Variants in WDR37 observed in about 807,000 individuals in gnomAD.
The protein encoded by WDR37 is WD repeat-containing protein 37.
A neutral mutation model predicts 62.9 loss-of-function variants in WDR37; 19 were observed. The observed-to-expected ratio is 0.30, with a 90% CI of 0.21 to 0.44. The LOEUF (loss-of-function observed/expected upper bound fraction) is 0.44. Among genes scored for constraint, WDR37 ranks in the 20% least tolerant of loss-of-function variants. WDR37 has a pLI of 1.00. For missense variants in WDR37, 474 were observed against 657.6 expected (o/e 0.72, Z 3.05); for synonymous variants, 250 against 260.9 (o/e 0.96, Z 0.40).
intron 1 of WDR37, among the ~76,000 whole-genome samples, chr10:1,066,088 T>C (rs1024678321): frequency 1.3e-5 from 2 of 152,026 alleles, no homozygotes; most frequent in East Asian, 3.9e-4. Flanking sequence ...AAAAGAGAGA[T>C]GTTAGTCTAA....
intron 1 of WDR37, among the ~76,000 whole-genome samples, chr10:1,065,349 A>C (rs2131606217): frequency 6.6e-6 from 1 of 152,380 alleles, no homozygotes; most frequent in East Asian, 1.9e-4. Flanking sequence ...ATAAGCTGTA[A>C]ATGTATAATG....
rs569344517 is a variant in WDR37 at position 1,082,280 on chromosome 10, C to CGT, written c.396+1806_396+1807dup. On this transcript the variant is annotated intron_variant, in intron 5 of 13. Transcript: ENST00000263150. Reference sequence around the variant, plus strand: ...ACCCAGAGCCACGAAAAGCAAGTAACGTGCCTGGTGGGATAGCGGGAACAC... The same window carrying CGT: ...ACCCAGAGCCACGAAAAGCAAGTAACGTGTGCCTGGTGGGATAGCGGGAACAC... 1.7e-4 allele frequency among the ~76,000 whole-genome samples: 26 copies of CGT among 152,192 alleles called. No individual in the cohort carries two copies. The South Asian group carries it at 5.4e-3, about 32-fold the overall frequency.
chr10:1,086,908 G>A (rs7069496), intron 7 of WDR37, among the ~76,000 whole-genome samples: 2 of 152,078 alleles, frequency 1.3e-5, no homozygotes, highest in Non-Finnish European at 2.9e-5. Flanking sequence ...GTTTCCTCTC[G>A]CACGTGCTGT....
intron 11 of WDR37, among the ~76,000 whole-genome samples, chr10:1,116,048 T>C (rs1215847389): frequency 6.6e-6 from 1 of 152,206 alleles, no homozygotes. Context: ...GCAGTTTTGC[T>C]ACCTTGATGT....
At chr10:1,080,267 C>T in intron 4 of WDR37, 145 bp from the exon 5 acceptor site, 6 of 1,257,666 alleles carry the variant, frequency 4.8e-6, no homozygotes, top group Middle Eastern at 2.1e-4. Flanking sequence ...GTTCTTGTTC[C>T]TGTTCTGCCA....
chr10:1,086,295 C>G lies in WDR37; in HGVS notation c.542C>G (p.Ala181Gly). Residue 181 changes from alanine to glycine, a missense_variant, in exon 7 of 14, where the codon GCT (alanine) becomes GGT (glycine). Coordinates refer to ENST00000263150, the MANE Select transcript of WDR37 (RefSeq NM_014023.4). ...VLGTASADHT[A>G]LLWSIETGKC... ...CATTTCCATCTTGCAGATCACACGG[C>G]TTTGCTGTGGAGCATAGAGACAGGG... is the stretch of plus-strand genomic sequence containing the variant. The G allele has an allele frequency of 6.2e-7, 1 of 1,614,130 alleles. No individual in the cohort carries two copies. Among genetic ancestry groups the G allele is most frequent in the East Asian group, 2.2e-5 (1 of 44,886 alleles).
At chr10:1,120,525 G>A (rs1431048530) in intron 11 of WDR37, among the ~76,000 whole-genome samples, 2 of 152,192 alleles carry the variant, frequency 1.3e-5, no homozygotes, top group African/African-American at 4.8e-5. Context: ...AAGTAATAAA[G>A]TAATAAAGCC....
At chr10:1,060,696 T>C (rs1833347339) in intron 1 of WDR37, among the ~76,000 whole-genome samples, 1 of 152,210 alleles carries the variant, frequency 6.6e-6, no homozygotes, top group Non-Finnish European at 1.5e-5. Context: ...TTTATTAGTG[T>C]TTAGTCTGTT....
At chr10:1,085,212 T>C (rs550317686) in intron 6 of WDR37, among the ~76,000 whole-genome samples, 1 of 152,274 alleles carries the variant, frequency 6.6e-6, no homozygotes, top group Non-Finnish European at 1.5e-5. Flanking sequence ...GACCTTGTGA[T>C]CTGCCTGCCT....
intron 1 of WDR37, among the ~76,000 whole-genome samples, chr10:1,066,736 G>A (rs1211144019): frequency 2.6e-5 from 4 of 152,202 alleles, no homozygotes; most frequent in Non-Finnish European, 5.9e-5. Context: ...CCATTTTCAC[G>A]CTGCTGATAA....
At chr10:1,072,045 A>T in intron 1 of WDR37, 71 bp from the exon 2 acceptor site, 2 of 1,240,122 alleles carry the variant, frequency 1.6e-6, no homozygotes, top group Non-Finnish European at 2.2e-6. Flanking sequence ...AGTCATCATT[A>T]TCTTCTTCAC....
intron 11 of WDR37, among the ~76,000 whole-genome samples, chr10:1,120,784 T>A (rs1165501003): frequency 6.6e-6 from 1 of 152,212 alleles, no homozygotes; most frequent in African/African-American, 2.4e-5. Context: ...TGGCCCAGTG[T>A]TTTCCACATC....
At position 1,085,191 on chromosome 10, in the gene WDR37, C is replaced by G. The variant is rs901740562; in HGVS notation, c.532+653C>G. On this transcript the variant is annotated intron_variant, in intron 6 of 13. Transcript: ENST00000263150. Reference sequence around the variant, plus strand: ...GGTTTCACCGTTTAGCTAGGATGGTCTTGATCTCCTGACCTTGTGATCTGC... The same window carrying G: ...GGTTTCACCGTTTAGCTAGGATGGTGTTGATCTCCTGACCTTGTGATCTGC... 3.3e-5 allele frequency among the ~76,000 whole-genome samples: 5 copies of G among 150,834 alleles called. No individual in the cohort carries two copies. The South Asian group carries it at 6.3e-4, about 19-fold the overall frequency.
At chr10:1,080,497 T>A (rs1298589600) in intron 5 of WDR37, 21 bp downstream of exon 5, 2 of 1,613,398 alleles carry the variant, frequency 1.2e-6, no homozygotes, top group Non-Finnish European at 1.7e-6. Flanking sequence ...CACTGGCTCT[T>A]GAGCCATCAT....
chr10:1,121,388 TC>T lies in WDR37; in HGVS notation c.1104-2828del, dbSNP rs753894636. Among the ~76,000 whole-genome samples, 74 of 152,260 alleles carry T rather than the reference TC, an allele frequency of 4.9e-4. No individual in the cohort carries two copies. The highest frequency in any genetic ancestry group is 3.4e-3 in the Middle Eastern group (1 of 294). On this transcript the variant is annotated intron_variant, in intron 11 of 13. Coordinates refer to ENST00000263150, the MANE Select transcript of WDR37 (RefSeq NM_014023.4). This position sits in a 1 kb window ranked among gnomAD's most constrained non-coding sequence, Gnocchi z 4.5. ...TTCCAGGCTCCCCCAGCAGCCGAAG[TC>T]CTCTAAGCCTCATTGTAACCTTCTC...
At chr10:1,114,994 C>T (rs551111151) in intron 11 of WDR37, among the ~76,000 whole-genome samples, 1 of 152,018 alleles carries the variant, frequency 6.6e-6, no homozygotes, top group South Asian at 2.1e-4. Context: ...ACCCCAATCC[C>T]GTAGAGTTTT....
intron 9 of WDR37, 167 bp downstream of exon 9, chr10:1,096,413 T>A: frequency 1.4e-6 from 1 of 694,978 alleles, no homozygotes; most frequent in Non-Finnish European, 2.5e-6. Context: ...TCTAAGGTAG[T>A]AGTTAAGGTT....
chr10:1,064,081 G>A lies in WDR37; in HGVS notation c.-41+7113G>A, dbSNP rs775435423. ...TAACCAATTAACATTCGAGACAAAC[G>A]ACAAATAGCCTCAGGAAGAAAATAC... On this transcript the variant is annotated intron_variant, in intron 1 of 13. Coordinates refer to ENST00000263150, the MANE Select transcript of WDR37 (RefSeq NM_014023.4). Among the ~76,000 whole-genome samples, 41 of 152,048 alleles carry A rather than the reference G, an allele frequency of 2.7e-4. 1 individual carries two copies. Among genetic ancestry groups the A allele is most frequent in the East Asian group, 3.9e-4 (2 of 5,194 alleles).
chr10:1,074,662 G>T (rs750095415), intron 2 of WDR37, among the ~76,000 whole-genome samples: 1 of 152,214 alleles, frequency 6.6e-6, no homozygotes, highest in Non-Finnish European at 1.5e-5. Context: ...TGAGGGGGGC[G>T]ATCTCAGAAC....
Sources: gnomAD v4.1 joint callset for allele counts (sites outside exome capture counted in the v4.1 genomes callset) on GRCh38, gnomAD v4.1.1 for gene constraint, Gnocchi (gnomAD v3.1) non-coding constraint, MANE v1.5 for transcripts, NCBI Gene and HGNC (gene_info 2026-07-23, HGNC 2026-07-21) for gene names.